The following ZNF385D variants were observed in gnomAD, a reference collection of about 807,000 sequenced individuals.
ZNF385D encodes zinc finger protein 659.
Under a neutral mutation model 35.8 loss-of-function variants are expected in ZNF385D, and 15 were observed. The observed-to-expected ratio is 0.42, with a 90% confidence interval of 0.28 to 0.64. The LOEUF (loss-of-function observed/expected upper bound fraction) is 0.64. Ranked by LOEUF, ZNF385D falls within the 30% of genes least tolerant of loss-of-function variation. The pLI is 0.23. For missense variants in ZNF385D, 474 were observed against 494.6 expected (o/e 0.96, Z 0.39); for synonymous variants, 212 against 186.8 (o/e 1.13, Z -1.10).
chr3:21,628,842 T>A (rs975677685), intron 2 of ZNF385D, among the ~76,000 whole-genome samples: 6 of 152,146 alleles, frequency 3.9e-5, no homozygotes, highest in South Asian at 2.1e-4. Context: ...TAGCACTTAC[T>A]ATGTGCCAGT....
chr3:21,456,494 C>A (rs948833976), intron 4 of ZNF385D, among the ~76,000 whole-genome samples: 43 of 152,186 alleles, frequency 2.8e-4, no homozygotes, highest in African/African-American at 8.7e-4. Context: ...GGACAAAAAA[C>A]CAAACACCGC....
intron 3 of ZNF385D, among the ~76,000 whole-genome samples, chr3:22,103,679 G>A (rs569314499): frequency 9.8e-4 from 132 of 135,138 alleles, no homozygotes; most frequent in Non-Finnish European, 1.5e-3. Flanking sequence ...AGTGCTTGTG[G>A]ACACGTTAGT....
chr3:21,424,962 A>G (rs961497645), intron 6 of ZNF385D, among the ~76,000 whole-genome samples: 3 of 152,212 alleles, frequency 2.0e-5, no homozygotes, highest in African/African-American at 7.2e-5. Flanking sequence ...TTGGAAGACT[A>G]TTCATAGTAA....
Position 21,933,571 on chromosome 3 carries a change from A to G in ZNF385D, c.325+235246T>C, listed in dbSNP as rs1383230222. Among the ~76,000 whole-genome samples the G allele has an allele frequency of 4.6e-5, 7 of 152,328 alleles. No individual in the cohort carries two copies. In the South Asian group the frequency reaches 1.4e-3, roughly 32 times the overall value. ...CTTTGTACTATATGGGCCTAACATG[A>G]TGGCATTTAGCATTAACATGGAAAG... On this transcript the variant is annotated intron_variant, in intron 3 of 5. Transcript: ENST00000494108.
rs1176325065 is a variant in ZNF385D at position 21,423,975 on chromosome 3, T to A, written c.942A>T (p.Ala314=). ...YSPYNKLQKT[A]HPLGVKLVFS... ...AAATGACACTCACCCCCAGTGGATG[T>A]GCTGTCTTCTGTAGTTTGTTGTAAG... is the stretch of plus-strand genomic sequence containing the variant. The change falls in exon 7 of 8, where the codon GCA becomes GCT. Residue 314 remains alanine, a synonymous_variant. Transcript: ENST00000281523. The A allele has an allele frequency of 3.1e-6, 5 of 1,608,482 alleles. No individual in the cohort carries two copies. The highest frequency in any genetic ancestry group is 1.3e-5 in the African/African-American group (1 of 74,666).
At chr3:22,172,546 A>T (rs936490454) in intron 2 of ZNF385D, among the ~76,000 whole-genome samples, 2 of 152,162 alleles carry the variant, frequency 1.3e-5, no homozygotes, top group Admixed American at 1.3e-4. Flanking sequence ...TGTTGGTATC[A>T]AGACTGCCCT....
chr3:22,115,805 G>GA (rs1016078602), intron 3 of ZNF385D, among the ~76,000 whole-genome samples: 14 of 152,060 alleles, frequency 9.2e-5, no homozygotes, highest in African/African-American at 3.4e-4. Flanking sequence ...TCATCATCAG[G>GA]AAAAACCGCT....
intron 3 of ZNF385D, chr3:22,134,318 C>G (rs1489028941): frequency 6.6e-6 from 1 of 151,968 alleles, no homozygotes; most frequent in African/African-American, 2.4e-5. Flanking sequence ...GCTCAACTTA[C>G]CAAGAAGATA....
chr3:21,761,686 G>T (rs898361362), intron 3 of ZNF385D, among the ~76,000 whole-genome samples: 2 of 151,980 alleles, frequency 1.3e-5, no homozygotes, highest in African/African-American at 4.8e-5. Flanking sequence ...AACTCTCAAG[G>T]GGGTGTCTGT....
intron 3 of ZNF385D, among the ~76,000 whole-genome samples, chr3:21,809,627 C>A (rs894080411): frequency 1.4e-5 from 2 of 148,140 alleles, no homozygotes; most frequent in African/African-American, 4.9e-5. Context: ...TATACATACA[C>A]ACATATATAC....
intron 1 of ZNF385D, among the ~76,000 whole-genome samples, chr3:21,681,316 A>AAAAAAAAAAAAAACAAAAAAAAC (rs1334410224): frequency 7.1e-6 from 1 of 141,676 alleles, no homozygotes; most frequent in Non-Finnish European, 1.6e-5. Flanking sequence ...AAAAAAAAAA[A>AAAAAAAAAAAAAACAAAAAAAAC]AAAAAAAACC....
chr3:22,172,134 T>C (rs977886383), intron 2 of ZNF385D, among the ~76,000 whole-genome samples: 1 of 152,160 alleles, frequency 6.6e-6, no homozygotes, highest in African/African-American at 2.4e-5. Flanking sequence ...CTTTTTTCCC[T>C]CCTAACCTTC....
chr3:22,154,264 T>C (rs1024789753), intron 3 of ZNF385D, among the ~76,000 whole-genome samples: 1 of 152,162 alleles, frequency 6.6e-6, no homozygotes. Context: ...AATAGGATAT[T>C]TTCCTGGCTA....
rs180944407 is a variant in ZNF385D, at chr3:21,933,134, C to G, written c.325+235683G>C. 1.0e-3 allele frequency among the ~76,000 whole-genome samples: 154 copies of G among 152,310 alleles called. 1 individual carries two copies. The highest frequency in any genetic ancestry group is 2.4e-3 in the Admixed American group (37 of 15,304). On this transcript the variant is annotated intron_variant, in intron 3 of 5. Transcript: ENST00000494108. ...TTCTCCAGGACTTACAATAGAAAAACTCGTCTCAATTTGGAGAGCTATATA... is the reference window on the plus strand; with the variant it reads ...TTCTCCAGGACTTACAATAGAAAAAGTCGTCTCAATTTGGAGAGCTATATA...
intron 4 of ZNF385D, among the ~76,000 whole-genome samples, chr3:21,444,080 C>CTTT (rs11390309): frequency 0.082 from 10,844 of 132,520 alleles, 761 homozygotes; most frequent in East Asian, 0.28. Context: ...GGATTTCCCT[C>CTTT]TTTTTTTTTT....
chr3:22,330,842 G>A (rs140412283), intron 2 of ZNF385D, among the ~76,000 whole-genome samples: 66 of 152,304 alleles, frequency 4.3e-4, no homozygotes, highest in Admixed American at 3.4e-3. Context: ...CTTTGTTCCT[G>A]TAACCCTGCA....
chr3:22,165,772 C>G (rs907649977), intron 3 of ZNF385D, among the ~76,000 whole-genome samples: 3 of 152,150 alleles, frequency 2.0e-5, no homozygotes, highest in African/African-American at 7.2e-5. Context: ...TTGAACCACA[C>G]TGAATTCTTG....
intron 3 of ZNF385D, among the ~76,000 whole-genome samples, chr3:22,064,908 T>A (rs958281674): frequency 4.6e-5 from 7 of 152,226 alleles, no homozygotes; most frequent in Admixed American, 2.6e-4. Flanking sequence ...ATTGTATATT[T>A]AAAAAAATGT....
chr3:21,678,053 AC>A (rs2066782655), intron 1 of ZNF385D, among the ~76,000 whole-genome samples: 1 of 151,988 alleles, frequency 6.6e-6, no homozygotes, highest in African/African-American at 2.4e-5. Flanking sequence ...AACACAACAT[AC>A]CAGTATCTAA....
Sources: allele counts gnomAD v4.1 joint callset (sites outside exome capture counted in the v4.1 genomes callset), GRCh38; gene constraint gnomAD v4.1.1; transcripts MANE v1.5; gene names NCBI Gene and HGNC (gene_info 2026-07-23, HGNC 2026-07-21).